Variants in ANO4 observed in about 807,000 individuals in gnomAD.
ANO4 encodes anoctamin 4.
Under a neutral mutation model 141.9 loss-of-function variants are expected in ANO4, and 69 were observed. That is an observed-to-expected ratio of 0.49 (90% CI 0.40 to 0.59). The LOEUF (loss-of-function observed/expected upper bound fraction) is 0.59, where lower values mean the gene tolerates loss of function less well. Ranked by LOEUF, ANO4 falls within the 20% of genes least tolerant of loss-of-function variation. ANO4 has a pLI of 0.00. For synonymous variants in ANO4, 350 were observed against 394.3 expected (o/e 0.89, Z 1.33); for missense variants, 894 against 1,162.2 (o/e 0.77, Z 3.36).
At chr12:100,785,522 T>G (rs557344759) in intron 3 of ANO4, among the ~76,000 whole-genome samples, 1 of 152,352 alleles carries the variant, frequency 6.6e-6, no homozygotes, top group South Asian at 2.1e-4. Context: ...GATTGGCTTC[T>G]TACACTTAGT....
chr12:100,936,385 C>T (rs993412937), intron 3 of ANO4, among the ~76,000 whole-genome samples: 9 of 152,176 alleles, frequency 5.9e-5, no homozygotes, highest in African/African-American at 2.2e-4. Context: ...CTGTCCCCCT[C>T]TCCCCAGTAA....
rs548775355 is a variant in ANO4, at chr12:101,094,258, C to G, written c.1704C>G (p.Leu568=). 3.7e-6 allele frequency: 6 copies of G among 1,610,388 alleles called. No homozygotes were observed. Among genetic ancestry groups the G allele is most frequent in the Admixed American group, 1.7e-5 (1 of 59,938 alleles). ...NFCIIMLLNV[L]YEKVALLLTN... ...AATGCATGAAATTTATTTTACAGCT[C>G]TATGAAAAAGTTGCCCTGCTTCTGA... Residue 568 remains leucine, a splice_region_variant and synonymous_variant, in exon 18 of 28, where the codon CTC becomes CTG. Transcript: ENST00000392977.
At chr12:100,898,494 A>G (rs1267331287) in intron 1 of ANO4, among the ~76,000 whole-genome samples, 1 of 152,146 alleles carries the variant, frequency 6.6e-6, no homozygotes, top group African/African-American at 2.4e-5. Flanking sequence ...ATTCCTTCCA[A>G]ATTTCCATGT....
intron 3 of ANO4, among the ~76,000 whole-genome samples, chr12:100,762,314 G>A (rs1035769304): frequency 1.3e-5 from 2 of 152,070 alleles, no homozygotes; most frequent in African/African-American, 2.4e-5. Flanking sequence ...AATGTGGCCC[G>A]AATTGGATAA....
chr12:100,890,460 A>G (rs943815071), intron 1 of ANO4, among the ~76,000 whole-genome samples: 1 of 152,220 alleles, frequency 6.6e-6, no homozygotes, highest in Non-Finnish European at 1.5e-5. Flanking sequence ...GTAGTAAGAA[A>G]TAACATTTAG....
At chr12:100,760,669 G>A (rs1478374534) in intron 3 of ANO4, among the ~76,000 whole-genome samples, 6 of 152,186 alleles carry the variant, frequency 3.9e-5, no homozygotes, top group East Asian at 1.9e-4. Context: ...AAACGTTCAG[G>A]TAGATATCAC....
intron 1 of ANO4, among the ~76,000 whole-genome samples, chr12:100,821,886 A>G (rs749700495): frequency 6.6e-6 from 1 of 152,036 alleles, no homozygotes; most frequent in African/African-American, 2.4e-5. Context: ...TGATCATTCC[A>G]TAGTTAGGCA....
chr12:101,019,448 T>C (rs569076893), intron 8 of ANO4, among the ~76,000 whole-genome samples: 13 of 152,198 alleles, frequency 8.5e-5, no homozygotes, highest in African/African-American at 2.9e-4. Context: ...GCTAGGGCAC[T>C]TGCTGGGAGG....
At chr12:101,069,013 A>G (rs764934173) in intron 14 of ANO4, 118 of 796,332 alleles carry the variant, frequency 1.5e-4, no homozygotes, top group Non-Finnish European at 2.3e-4. Context: ...GGCCCAGTTT[A>G]AAGAGCAAAG....
chr12:101,070,865 A>G (rs2048780877), intron 14 of ANO4, among the ~76,000 whole-genome samples: 1 of 152,218 alleles, frequency 6.6e-6, no homozygotes, highest in Admixed American at 6.5e-5. Flanking sequence ...CAAAAATTTG[A>G]ATAGACATTT....
chr12:100,747,732 G>C (rs1014650388), intron 3 of ANO4, among the ~76,000 whole-genome samples: 1 of 152,182 alleles, frequency 6.6e-6, no homozygotes, highest in Non-Finnish European at 1.5e-5. Flanking sequence ...AATTAGCTGG[G>C]TGTGGTGGCA....
chr12:100,857,586 C>T (rs1194002952), intron 1 of ANO4, among the ~76,000 whole-genome samples: 1 of 152,130 alleles, frequency 6.6e-6, no homozygotes, highest in Admixed American at 6.6e-5. Context: ...TATTGCCTCC[C>T]CATGAAGCTG....
intron 8 of ANO4, among the ~76,000 whole-genome samples, chr12:101,013,123 G>C (rs542972123): frequency 2.5e-3 from 382 of 152,222 alleles, no homozygotes; most frequent in Non-Finnish European, 4.5e-3. Flanking sequence ...CCTTTTTTAA[G>C]ATGGAAAAGC....
At chr12:100,739,468 C>G (rs2031768362) in intron 2 of ANO4, among the ~76,000 whole-genome samples, 1 of 152,110 alleles carries the variant, frequency 6.6e-6, no homozygotes, top group Admixed American at 6.6e-5. Flanking sequence ...GGTTGAGATC[C>G]AGTTTTCTCA....
intron 5 of ANO4, among the ~76,000 whole-genome samples, chr12:100,956,315 G>C (rs777678154): frequency 4.1e-4 from 63 of 152,206 alleles, no homozygotes; most frequent in Non-Finnish European, 5.9e-4. Flanking sequence ...GCTCACTAGA[G>C]TACTTTGTTT....
chr12:101,042,598 A>C, intron 12 of ANO4, 130 bp downstream of exon 12: 1 of 1,294,512 alleles, frequency 7.7e-7, no homozygotes, highest in Non-Finnish European at 1.1e-6. Flanking sequence ...TCATGGAAAA[A>C]CTCAAAGTTT....
At chr12:100,770,926 G>C (rs1324997448) in intron 3 of ANO4, among the ~76,000 whole-genome samples, 1 of 151,926 alleles carries the variant, frequency 6.6e-6, no homozygotes. Flanking sequence ...GAAGATGAAA[G>C]GATGGAAAAA....
intron 24 of ANO4, among the ~76,000 whole-genome samples, chr12:101,113,376 T>G (rs551666556): frequency 1.1e-4 from 16 of 152,334 alleles, no homozygotes; most frequent in African/African-American, 3.1e-4. Context: ...CCTGGTAGAT[T>G]TAAGACAATG....
At chr12:101,119,078 T>C (rs2050974600) in intron 25 of ANO4, among the ~76,000 whole-genome samples, 1 of 152,074 alleles carries the variant, frequency 6.6e-6, no homozygotes, top group South Asian at 2.1e-4. Flanking sequence ...TAGTATTCCA[T>C]GGTGTATCTG....
Sources: gnomAD v4.1 joint callset for allele counts (sites outside exome capture counted in the v4.1 genomes callset) on GRCh38, gnomAD v4.1.1 for gene constraint, MANE v1.5 for transcripts, NCBI Gene and HGNC (gene_info 2026-07-23, HGNC 2026-07-21) for gene names.